Variants in GABRG3 observed in about 807,000 individuals in gnomAD.
The protein encoded by GABRG3 is gamma-aminobutyric acid receptor subunit gamma-3.
GABRG3 carries 25 observed loss-of-function variants against 48.8 expected under a neutral mutation model. That is an observed-to-expected ratio of 0.51 (90% CI 0.37 to 0.72). GABRG3 has a LOEUF of 0.72. Ranked by LOEUF, GABRG3 falls within the 30% of genes least tolerant of loss-of-function variation. The pLI, the probability that GABRG3 is intolerant of heterozygous loss-of-function variation, is 0.00. For synonymous variants in GABRG3, 227 were observed against 217.6 expected (o/e 1.04, Z -0.38); for missense variants, 394 against 577.9 (o/e 0.68, Z 3.26).
chr15:27,417,349 A>G (rs1379252450), intron 5 of GABRG3, among the ~76,000 whole-genome samples: 2 of 152,110 alleles, frequency 1.3e-5, no homozygotes, highest in African/African-American at 4.8e-5. Context: ...CTTAAAATAG[A>G]CAGTATCTGG....
intron 2 of GABRG3, among the ~76,000 whole-genome samples, chr15:27,013,497 T>A (rs1895725338): frequency 6.6e-6 from 1 of 152,130 alleles, no homozygotes. Flanking sequence ...ATTTTATAGT[T>A]TTTGGTCTCA....
chr15:26,996,232 T>G (rs1895337618), intron 2 of GABRG3, among the ~76,000 whole-genome samples: 1 of 152,150 alleles, frequency 6.6e-6, no homozygotes. Context: ...AAATTTGGAT[T>G]TTTGTTTGTG....
chr15:26,999,184 CAAAA>C (rs1895396678), intron 2 of GABRG3, among the ~76,000 whole-genome samples: 1 of 146,764 alleles, frequency 6.8e-6, no homozygotes. Flanking sequence ...ATAATACAAA[CAAAA>C]AAGCAATAGA....
intron 3 of GABRG3, among the ~76,000 whole-genome samples, chr15:27,322,614 G>C (rs1053885998): frequency 6.6e-6 from 1 of 152,150 alleles, no homozygotes; most frequent in Admixed American, 6.5e-5. Context: ...CAGAAGGGTC[G>C]TTACATTTAA....
At position 27,062,971 on chromosome 15, in the gene GABRG3, A is replaced by G. The variant is rs73369626; in HGVS notation, c.270+36150A>G. Among the ~76,000 whole-genome samples, 1,180 of 152,338 alleles carry G rather than the reference A, an allele frequency of 7.7e-3. 23 individuals carry two copies. Among genetic ancestry groups the G allele is most frequent in the African/African-American group, 0.027 (1,117 of 41,570 alleles). ...ACTAATATCTGCTGATCCTTTCAAT[A>G]GAAAAGAAATTCATGTATCATGGTT... On this transcript the variant is annotated intron_variant, in intron 3 of 9. Coordinates refer to ENST00000615808, the MANE Select transcript of GABRG3 (RefSeq NM_033223.5).
chr15:27,260,531 C>T (rs746185777), intron 3 of GABRG3, among the ~76,000 whole-genome samples: 3 of 151,978 alleles, frequency 2.0e-5, no homozygotes, highest in East Asian at 1.9e-4. Flanking sequence ...TTCAACCAAT[C>T]GTAAATAAAA....
chr15:27,296,385 A>T (rs1282784524), intron 3 of GABRG3, among the ~76,000 whole-genome samples: 3 of 152,208 alleles, frequency 2.0e-5, no homozygotes, highest in African/African-American at 7.2e-5. Context: ...GGCTGGGAAC[A>T]ACTGTATTTG....
chr15:27,362,860 A>C (rs941325628), intron 5 of GABRG3: 2 of 152,336 alleles, frequency 1.3e-5, no homozygotes, highest in East Asian at 1.9e-4. Context: ...GGTGCATCAG[A>C]AGTTGTTCAT....
intron 3 of GABRG3, among the ~76,000 whole-genome samples, chr15:27,128,802 C>T (rs1897866129): frequency 6.6e-6 from 1 of 152,152 alleles, no homozygotes; most frequent in Admixed American, 6.5e-5. Flanking sequence ...CTATTGCAGG[C>T]TGCAGTTACC....
chr15:27,173,376 A>G (rs1887635273), intron 3 of GABRG3, among the ~76,000 whole-genome samples: 1 of 152,154 alleles, frequency 6.6e-6, no homozygotes, highest in South Asian at 2.1e-4. Context: ...TTACATACCC[A>G]TTATACCTCC....
At chr15:27,444,752 T>C (rs66735832) in intron 5 of GABRG3, among the ~76,000 whole-genome samples, 38,607 of 152,148 alleles carry the variant, frequency 0.25, 7,127 homozygotes, top group African/African-American at 0.5. Flanking sequence ...TTTCGTCAGT[T>C]TACTTTCACT....
chr15:27,006,932 G>C (rs1186068110), intron 2 of GABRG3, among the ~76,000 whole-genome samples: 1 of 151,552 alleles, frequency 6.6e-6, no homozygotes, highest in Non-Finnish European at 1.5e-5. Context: ...TCGAACTCCT[G>C]GGCTCAAGTA....
intron 3 of GABRG3, among the ~76,000 whole-genome samples, chr15:27,103,610 G>GT (rs1192161766): frequency 1.3e-5 from 2 of 152,130 alleles, no homozygotes; most frequent in Non-Finnish European, 2.9e-5. Context: ...CCCTTTAAGT[G>GT]TTTTTTCACT....
At chr15:27,214,585 A>G (rs1170079208) in intron 3 of GABRG3, among the ~76,000 whole-genome samples, 2 of 152,252 alleles carry the variant, frequency 1.3e-5, no homozygotes, top group African/African-American at 4.8e-5. Flanking sequence ...ACATTTCTAA[A>G]TGAATTAGAA....
intron 3 of GABRG3, among the ~76,000 whole-genome samples, chr15:27,175,872 C>T (rs1337768622): frequency 6.6e-6 from 1 of 152,136 alleles, no homozygotes; most frequent in Non-Finnish European, 1.5e-5. Context: ...GTTCCTTCCT[C>T]TGATCAGCCT....
At chr15:27,019,649 TA>T (rs954998273) in intron 2 of GABRG3, among the ~76,000 whole-genome samples, 6 of 152,134 alleles carry the variant, frequency 3.9e-5, no homozygotes, top group Non-Finnish European at 8.8e-5. Flanking sequence ...TGATGGGGTG[TA>T]GGGGATCCTC....
intron 2 of GABRG3, among the ~76,000 whole-genome samples, chr15:27,009,160 T>G (rs1183248141): frequency 1.3e-5 from 2 of 152,142 alleles, no homozygotes; most frequent in Admixed American, 1.3e-4. Flanking sequence ...AGGTGCACAC[T>G]GGACTGCTGC....
chr15:27,414,348 A>T (rs1488613575), intron 5 of GABRG3, among the ~76,000 whole-genome samples: 1 of 152,022 alleles, frequency 6.6e-6, no homozygotes, highest in African/African-American at 2.4e-5. Flanking sequence ...CTCTGTGGGC[A>T]GCCTACTCTT....
At chr15:27,079,603 G>A (rs1239247692) in intron 3 of GABRG3, among the ~76,000 whole-genome samples, 1 of 152,112 alleles carries the variant, frequency 6.6e-6, no homozygotes, top group Non-Finnish European at 1.5e-5. Context: ...AAGTGGAGCC[G>A]TTTCAAGAAC....
Sources: allele counts gnomAD v4.1 joint callset (sites outside exome capture counted in the v4.1 genomes callset), GRCh38; gene constraint gnomAD v4.1.1; transcripts MANE v1.5; gene names NCBI Gene and HGNC (gene_info 2026-07-23, HGNC 2026-07-21).